The following NCKAP5 variants were observed in gnomAD, a reference collection of about 807,000 sequenced individuals.
The protein encoded by NCKAP5 is NCK associated protein 5, also known as nck-associated protein 5.
NCKAP5 carries 92 observed loss-of-function variants against 167.0 expected under a neutral mutation model. The observed-to-expected ratio is 0.55, with a 90% CI of 0.47 to 0.66. The LOEUF (loss-of-function observed/expected upper bound fraction) is 0.66, where lower values mean the gene tolerates loss of function less well. Ranked by LOEUF, NCKAP5 falls within the 30% of genes least tolerant of loss-of-function variation. The pLI is 0.00. For synonymous variants in NCKAP5, 891 were observed against 877.4 expected (o/e 1.02, Z -0.27); for missense variants, 2,378 against 2,315.0 (o/e 1.03, Z -0.56).
chr2:132,985,633 T>A (rs1338267924), intron 7 of NCKAP5, among the ~76,000 whole-genome samples: 27 of 152,222 alleles, frequency 1.8e-4, no homozygotes, highest in Non-Finnish European at 1.5e-4. Flanking sequence ...CTTCTGTATC[T>A]GAACTTGTTA....
At chr2:133,222,938 G>A (rs953397042) in intron 4 of NCKAP5, among the ~76,000 whole-genome samples, 1 of 152,168 alleles carries the variant, frequency 6.6e-6, no homozygotes, top group African/African-American at 2.4e-5. Context: ...AATAATGCAA[G>A]AATTTGGGGT....
At chr2:133,309,197 G>T (rs139494992) in intron 3 of NCKAP5, among the ~76,000 whole-genome samples, 237 of 152,062 alleles carry the variant, frequency 1.6e-3, no homozygotes, top group African/African-American at 5.5e-3. Flanking sequence ...ATTTTCTTCT[G>T]TAAATTTTTT....
chr2:132,726,548 T>C (rs1476628733), intron 18 of NCKAP5, among the ~76,000 whole-genome samples: 2 of 152,200 alleles, frequency 1.3e-5, no homozygotes, highest in African/African-American at 2.4e-5. Flanking sequence ...TTTTTTCTGT[T>C]TGTAGAATGT....
chr2:133,540,134 T>A (rs1258222337), intron 2 of NCKAP5, among the ~76,000 whole-genome samples: 1 of 151,526 alleles, frequency 6.6e-6, no homozygotes, highest in Non-Finnish European at 1.5e-5. Flanking sequence ...TGAGCCGAGA[T>A]CACACCACTG....
chr2:133,257,773 T>C (rs1385741648), intron 4 of NCKAP5, among the ~76,000 whole-genome samples: 2 of 152,174 alleles, frequency 1.3e-5, no homozygotes, highest in Non-Finnish European at 2.9e-5. Flanking sequence ...GACCCAACAT[T>C]ATGTGCTAAA....
chr2:133,310,602 T>G (rs1176840871), intron 3 of NCKAP5, among the ~76,000 whole-genome samples: 2 of 152,234 alleles, frequency 1.3e-5, no homozygotes, highest in Non-Finnish European at 2.9e-5. Context: ...TGCTGCTCAA[T>G]CACGCTCTGC....
the NCKAP5 span, among the ~76,000 whole-genome samples, chr2:133,606,656 T>C: frequency 2.7e-5 from 4 of 150,096 alleles, no homozygotes; most frequent in South Asian, 8.4e-4. Context: ...CTCCAAAATT[T>C]TGCCAAGTTT....
the NCKAP5 span, among the ~76,000 whole-genome samples, chr2:133,597,459 GGAGACC>G: frequency 1.3e-5 from 2 of 152,054 alleles, no homozygotes; most frequent in Non-Finnish European, 2.9e-5. Context: ...CACGAGGTCA[GGAGACC>G]GAGACCATCC....
chr2:133,245,896 GA>G (rs771074749), intron 4 of NCKAP5, among the ~76,000 whole-genome samples: 2,759 of 60,136 alleles, frequency 0.046, 37 homozygotes, highest in East Asian at 0.082. Context: ...ATTTGATCAG[GA>G]AAAAAAAAAA....
At chr2:133,669,823 T>C in the NCKAP5 span, among the ~76,000 whole-genome samples, 2 of 152,222 alleles carry the variant, frequency 1.3e-5, no homozygotes, top group East Asian at 3.8e-4. Flanking sequence ...GAATTAGTTT[T>C]CTCCTACTTC....
intron 3 of NCKAP5, among the ~76,000 whole-genome samples, chr2:133,482,067 T>C (rs1013367227): frequency 1.3e-5 from 2 of 152,162 alleles, no homozygotes; most frequent in African/African-American, 4.8e-5. Context: ...TCCACAAACA[T>C]GCTATATTTC....
At chr2:133,014,320 T>C (rs1464369028) in intron 6 of NCKAP5, among the ~76,000 whole-genome samples, 1 of 152,188 alleles carries the variant, frequency 6.6e-6, no homozygotes, top group Admixed American at 6.5e-5. Flanking sequence ...TGCCTCCAGA[T>C]CTACTTCTCA....
At chr2:132,703,606 C>T (rs1688079204) in intron 19 of NCKAP5, among the ~76,000 whole-genome samples, 1 of 152,144 alleles carries the variant, frequency 6.6e-6, no homozygotes, top group South Asian at 2.1e-4. Flanking sequence ...ACGTTGAAGA[C>T]TTGGAGTTGC....
intron 2 of NCKAP5, among the ~76,000 whole-genome samples, chr2:133,557,629 A>G (rs1687834576): frequency 6.6e-6 from 1 of 152,280 alleles, no homozygotes; most frequent in Non-Finnish European, 1.5e-5. Context: ...AAAGCTACTC[A>G]TGCAGAAACT....
Position 133,210,173 on chromosome 2 carries a change from A to AATAATATAATACAATATAAT in NCKAP5, c.207+3542_207+3543insATTATATTGTATTATATTAT, listed in dbSNP as rs1553579637. Among the ~76,000 whole-genome samples, 4 of 145,076 alleles carry AATAATATAATACAATATAAT rather than the reference A, an allele frequency of 2.8e-5. 1 individual carries two copies. The South Asian group carries it at 6.5e-4, about 23-fold the overall frequency. ...AGAGTGAAACTCCATCTCAAAAATA[A>AATAATATAATACAATATAAT]ATAATATAATATAATATAATATAAC... On this transcript the variant is annotated intron_variant, in intron 5 of 19. Coordinates refer to ENST00000409261, the MANE Select transcript of NCKAP5 (RefSeq NM_207363.3).
At chr2:133,517,902 A>G (rs940862187) in intron 2 of NCKAP5, among the ~76,000 whole-genome samples, 7 of 152,208 alleles carry the variant, frequency 4.6e-5, no homozygotes, top group Non-Finnish European at 7.3e-5. Flanking sequence ...TCCTCTCTCT[A>G]TCAGCCAGAA....
chr2:132,723,713 CGTT>C (rs1690177056), intron 19 of NCKAP5, among the ~76,000 whole-genome samples: 1 of 152,162 alleles, frequency 6.6e-6, no homozygotes, highest in South Asian at 2.1e-4. Context: ...GCATTTCCAT[CGTT>C]GAGGGAGGTC....
intron 7 of NCKAP5, among the ~76,000 whole-genome samples, chr2:132,983,683 T>C (rs2077203693): frequency 6.6e-6 from 1 of 152,194 alleles, no homozygotes; most frequent in Admixed American, 6.5e-5. Flanking sequence ...TTTGAATGGA[T>C]GGCTGACAGA....
At chr2:132,788,005 C>T (rs958962929) in intron 13 of NCKAP5, among the ~76,000 whole-genome samples, 2 of 152,164 alleles carry the variant, frequency 1.3e-5, no homozygotes, top group African/African-American at 4.8e-5. Flanking sequence ...TGGCTGCAAA[C>T]CTCCCAGGGC....
Sources: gnomAD v4.1 joint callset for allele counts (sites outside exome capture counted in the v4.1 genomes callset) on GRCh38, gnomAD v4.1.1 for gene constraint, MANE v1.5 for transcripts, NCBI Gene and HGNC (gene_info 2026-07-23, HGNC 2026-07-21) for gene names.